Variants in PCDHA5 observed in about 807,000 individuals in gnomAD.
The protein encoded by PCDHA5 is protocadherin alpha-5.
PCDHA5 carries 43 observed loss-of-function variants against 61.6 expected under a neutral mutation model. The ratio of observed to expected loss-of-function variants is 0.70; its 90% CI spans 0.55 to 0.90. The LOEUF is 0.90. PCDHA5 is among the 40% of genes least tolerant of loss of function. PCDHA5 has a pLI of 0.00. For synonymous variants in PCDHA5, 627 were observed against 543.9 expected (o/e 1.15, Z -2.13); for missense variants, 1,298 against 1,222.7 (o/e 1.06, Z -0.92).
intron 1 of PCDHA5, among the ~76,000 whole-genome samples, chr5:140,902,684 A>G (rs1173996816): frequency 6.6e-6 from 1 of 152,100 alleles, no homozygotes; most frequent in Non-Finnish European, 1.5e-5. Flanking sequence ...ACCGTACCTA[A>G]TATGTGTAGT....
intron 1 of PCDHA5, chr5:140,869,690 T>A (rs902099652): frequency 6.2e-7 from 1 of 1,613,456 alleles, no homozygotes. Context: ...TCACTTATTT[T>A]AAAGAAGTCT....
chr5:140,907,582 G>A (rs978225789), intron 1 of PCDHA5, among the ~76,000 whole-genome samples: 1 of 152,190 alleles, frequency 6.6e-6, no homozygotes, highest in Admixed American at 6.5e-5. Flanking sequence ...CAGGTAGCTG[G>A]CTGATCACCC....
At chr5:140,855,892 G>C in intron 1 of PCDHA5, 2 of 1,011,396 alleles carry the variant, frequency 2.0e-6, no homozygotes, top group Non-Finnish European at 2.9e-6. Context: ...TAGAACAAAG[G>C]CATCAGCCAG....
At chr5:140,873,631 A>G (rs2054392579) in intron 1 of PCDHA5, among the ~76,000 whole-genome samples, 1 of 152,222 alleles carries the variant, frequency 6.6e-6, no homozygotes, top group Non-Finnish European at 1.5e-5. Flanking sequence ...TTTAGGTCAA[A>G]GAGTATGTGA....
Position 140,877,355 on chromosome 5 carries a change from C to T in PCDHA5, c.2352+53228C>T. On this transcript the variant is annotated intron_variant, in intron 1 of 3. Coordinates refer to ENST00000529859, the MANE Select transcript of PCDHA5 (RefSeq NM_018908.3). ...ATCCCGTTCCACGTGGGGCTGTACA[C>T]TGGCGAGATCAGCACGACACGCATC... 1.2e-6 allele frequency: 2 copies of T among 1,614,012 alleles called. No homozygotes were observed. Among genetic ancestry groups the T allele is most frequent in the Non-Finnish European group, 8.5e-7 (1 of 1,179,888 alleles).
chr5:140,966,113 A>T (rs1224729629), intron 1 of PCDHA5: 1 of 155,768 alleles, frequency 6.4e-6, no homozygotes, highest in African/African-American at 2.4e-5. Flanking sequence ...GGGTGCCCAT[A>T]CTTAGCTAAG....
intron 1 of PCDHA5, chr5:140,836,334 G>C (rs1554135822): frequency 1.1e-5 from 17 of 1,613,642 alleles, no homozygotes; most frequent in Non-Finnish European, 1.4e-5. Flanking sequence ...TCTGGTGCTT[G>C]TGAAGGACCA....
At chr5:140,851,909 A>G in intron 1 of PCDHA5, 1 of 970,994 alleles carries the variant, frequency 1.0e-6, no homozygotes, top group Non-Finnish European at 1.2e-6. Context: ...CTTTAATGTC[A>G]CTACATGTTA....
chr5:140,857,402 C>T (rs2044569708), intron 1 of PCDHA5: 3 of 1,598,498 alleles, frequency 1.9e-6, no homozygotes, highest in Non-Finnish European at 2.6e-6. Flanking sequence ...CGACAACGCG[C>T]CTGCGTTCGC....
chr5:140,876,466 G>C, intron 1 of PCDHA5: 1 of 1,614,018 alleles, frequency 6.2e-7, no homozygotes, highest in Non-Finnish European at 8.5e-7. Flanking sequence ...TTCCATGGCA[G>C]GTCACAGCAT....
chr5:140,919,709 G>T (rs782509447), intron 1 of PCDHA5, among the ~76,000 whole-genome samples: 5 of 152,076 alleles, frequency 3.3e-5, no homozygotes, highest in Non-Finnish European at 7.4e-5. Context: ...CTTAATTCTA[G>T]TGAGATATAA....
Position 140,835,816 on chromosome 5 carries a change from C to T in PCDHA5, c.2352+11689C>T, listed in dbSNP as rs1554135300. 2.5e-6 allele frequency: 4 copies of T among 1,612,612 alleles called. No homozygotes were observed. The highest frequency in any genetic ancestry group is 2.2e-5 in the East Asian group (1 of 44,834). ...CCGGGCTGCCACATCTTCACTGTGT[C>T]GGCGGGGGACGCGGACGCGCAGAAG... is the stretch of plus-strand genomic sequence containing the variant. On this transcript the variant is annotated intron_variant, in intron 1 of 3. Coordinates refer to ENST00000529859, the MANE Select transcript of PCDHA5 (RefSeq NM_018908.3).
intron 1 of PCDHA5, chr5:140,864,136 T>C (rs2048335461): frequency 6.6e-6 from 1 of 152,238 alleles, no homozygotes; most frequent in African/African-American, 2.4e-5. Flanking sequence ...AGTGGCTGTT[T>C]CCTGTAAATG....
rs903321831 is a variant in PCDHA5, at chr5:140,926,671, C to A, written c.2353-52278C>A. ...CGGCTCCGCTTTCCCAGACGGCTGC[C>A]CAGCCTCCAGCCTAGCAAGCCCGGC... On this transcript the variant is annotated intron_variant, in intron 1 of 3. Coordinates refer to ENST00000529859, the MANE Select transcript of PCDHA5 (RefSeq NM_018908.3). The A allele has an allele frequency of 3.5e-5, 20 of 579,422 alleles. No homozygotes were observed. The South Asian group carries it at 7.5e-4, about 22-fold the overall frequency. 35.9% of individuals were successfully genotyped at this position (579,422 alleles called of 1,614,324 possible).
intron 1 of PCDHA5, among the ~76,000 whole-genome samples, chr5:140,886,563 C>CA (rs1344648100): frequency 6.6e-6 from 1 of 152,024 alleles, no homozygotes. Context: ...CACGGTGGCT[C>CA]ACGCCTGTAA....
At position 140,845,310 on chromosome 5, in the gene PCDHA5, CAG is replaced by C. The variant is rs2150378304; in HGVS notation, c.2352+21184_2352+21185del. On this transcript the variant is annotated intron_variant, in intron 1 of 3. Transcript: ENST00000529859. ...ATCCTGTCTATGTCTACCTGGTTCT[CAG>C]GTATTACTTTAATTACTGAATTCTC... Among the ~76,000 whole-genome samples the C allele has an allele frequency of 4.5e-4, 68 of 149,506 alleles. 3 individuals carry two copies. The highest frequency in any genetic ancestry group is 6.9e-3 in the Middle Eastern group (2 of 290).
intron 1 of PCDHA5, among the ~76,000 whole-genome samples, chr5:140,930,607 G>T (rs536411934): frequency 2.4e-4 from 36 of 152,252 alleles, no homozygotes; most frequent in African/African-American, 7.5e-4. Flanking sequence ...AATCCTAGAT[G>T]CAAGAGAAGG....
At chr5:140,959,859 T>A (rs2095514385) in intron 1 of PCDHA5, among the ~76,000 whole-genome samples, 1 of 152,192 alleles carries the variant, frequency 6.6e-6, no homozygotes, top group South Asian at 2.1e-4. Context: ...AGGAATTATG[T>A]AGCAAAATCT....
chr5:140,848,397 A>C, intron 1 of PCDHA5: 2 of 1,283,802 alleles, frequency 1.6e-6, no homozygotes, highest in Non-Finnish European at 2.2e-6. Flanking sequence ...CTCTGTGCTG[A>C]ACGATGGCGA....
Sources: allele counts gnomAD v4.1 joint callset (sites outside exome capture counted in the v4.1 genomes callset), GRCh38; gene constraint gnomAD v4.1.1; transcripts MANE v1.5; gene names NCBI Gene and HGNC (gene_info 2026-07-23, HGNC 2026-07-21).